The following KCNIP4 variants were observed in gnomAD, a reference collection of about 807,000 sequenced individuals.
The protein encoded by KCNIP4 is Kv channel-interacting protein 4.
Under a neutral mutation model 34.0 loss-of-function variants are expected in KCNIP4, and 12 were observed. The ratio of observed to expected loss-of-function variants is 0.35; its 90% CI spans 0.23 to 0.57. The LOEUF (loss-of-function observed/expected upper bound fraction) is 0.57, where lower values mean the gene tolerates loss of function less well. Ranked by LOEUF, KCNIP4 falls within the 20% of genes least tolerant of loss-of-function variation. The pLI, the probability that KCNIP4 is intolerant of heterozygous loss-of-function variation, is 0.83. For synonymous variants in KCNIP4, 124 were observed against 102.2 expected (o/e 1.21, Z -1.29); for missense variants, 238 against 311.7 (o/e 0.76, Z 1.78).
At chr4:21,910,304 C>G (rs1417409003) in intron 1 of KCNIP4, among the ~76,000 whole-genome samples, 1 of 152,086 alleles carries the variant, frequency 6.6e-6, no homozygotes, top group African/African-American at 2.4e-5. Flanking sequence ...AATTTATCAT[C>G]AAACTAAAAT....
At chr4:21,790,487 C>T (rs1720205263) in intron 1 of KCNIP4, among the ~76,000 whole-genome samples, 1 of 151,994 alleles carries the variant, frequency 6.6e-6, no homozygotes, top group Admixed American at 6.6e-5. Context: ...CTTTCCAAAA[C>T]CTCACATTAT....
chr4:21,019,019 A>G (rs1229458052), intron 1 of KCNIP4, among the ~76,000 whole-genome samples: 1 of 152,182 alleles, frequency 6.6e-6, no homozygotes, highest in African/African-American at 2.4e-5. Context: ...AGCAGCTAAA[A>G]ATCTGAGTTT....
chr4:20,812,131 C>G (rs1475230081), intron 3 of KCNIP4, among the ~76,000 whole-genome samples: 1 of 152,144 alleles, frequency 6.6e-6, no homozygotes, highest in Non-Finnish European at 1.5e-5. Flanking sequence ...AAAGACAGAG[C>G]TAAAATAGCA....
chr4:20,994,461 T>C (rs1161272515), intron 1 of KCNIP4, among the ~76,000 whole-genome samples: 2 of 152,216 alleles, frequency 1.3e-5, no homozygotes, highest in Non-Finnish European at 2.9e-5. Context: ...TTCCTATTTC[T>C]GAACTAATTG....
chr4:20,944,121 C>G (rs1731938468), intron 1 of KCNIP4, among the ~76,000 whole-genome samples: 1 of 152,088 alleles, frequency 6.6e-6, no homozygotes, highest in Non-Finnish European at 1.5e-5. Context: ...AAAATAAGAC[C>G]AGCCCCTAGC....
intron 1 of KCNIP4, among the ~76,000 whole-genome samples, chr4:21,251,133 A>G (rs1760668450): frequency 6.6e-6 from 1 of 152,106 alleles, no homozygotes; most frequent in Non-Finnish European, 1.5e-5. Context: ...CATATAATGG[A>G]GTGCCATGTA....
At chr4:21,604,212 C>T (rs893579543) in intron 1 of KCNIP4, among the ~76,000 whole-genome samples, 1 of 151,990 alleles carries the variant, frequency 6.6e-6, no homozygotes, top group Non-Finnish European at 1.5e-5. Context: ...TGTTGCAATG[C>T]AGATGTGGAG....
At chr4:21,233,860 T>TATA (rs201484050) in intron 1 of KCNIP4, among the ~76,000 whole-genome samples, 25,897 of 138,706 alleles carry the variant, frequency 0.19, 3,773 homozygotes, top group African/African-American at 0.41. Context: ...ATATAGTCAA[T>TATA]ATGACTTTGA....
intron 1 of KCNIP4, among the ~76,000 whole-genome samples, chr4:21,056,529 C>T (rs1743420964): frequency 6.6e-6 from 1 of 152,006 alleles, no homozygotes; most frequent in African/African-American, 2.4e-5. Flanking sequence ...GTCTCATTTC[C>T]CTTCATTATT....
intron 1 of KCNIP4, among the ~76,000 whole-genome samples, chr4:21,759,878 C>T (rs1156779568): frequency 6.6e-6 from 1 of 151,898 alleles, no homozygotes; most frequent in African/African-American, 2.4e-5. Context: ...AGTCAAAGTC[C>T]TCATTTTTCA....
intron 1 of KCNIP4, among the ~76,000 whole-genome samples, chr4:21,019,643 G>A (rs953755691): frequency 1.3e-5 from 2 of 151,876 alleles, no homozygotes; most frequent in African/African-American, 2.4e-5. Context: ...TGTAAAATAG[G>A]GGACAATATC....
intron 1 of KCNIP4, among the ~76,000 whole-genome samples, chr4:21,301,578 G>A (rs953388826): frequency 1.3e-4 from 20 of 152,132 alleles, no homozygotes; most frequent in African/African-American, 4.8e-4. Context: ...AATGGTGCAG[G>A]AGGAAAGGAA....
intron 1 of KCNIP4, among the ~76,000 whole-genome samples, chr4:20,915,941 G>A (rs1728768061): frequency 6.6e-6 from 1 of 152,100 alleles, no homozygotes; most frequent in African/African-American, 2.4e-5. Flanking sequence ...GCACATTGGA[G>A]TTGAAAGGTC....
chr4:21,030,657 G>A (rs1248937300), intron 1 of KCNIP4, among the ~76,000 whole-genome samples: 1 of 152,006 alleles, frequency 6.6e-6, no homozygotes, highest in African/African-American at 2.4e-5. Flanking sequence ...GAAGTGTTCA[G>A]GACTTACGCA....
chr4:21,363,992 G>A (rs1719474816), intron 1 of KCNIP4, among the ~76,000 whole-genome samples: 1 of 152,050 alleles, frequency 6.6e-6, no homozygotes, highest in Admixed American at 6.6e-5. Flanking sequence ...TTTGGTGGCT[G>A]GAAGGATGGA....
intron 1 of KCNIP4, among the ~76,000 whole-genome samples, chr4:21,901,577 T>C (rs185715034): frequency 6.6e-6 from 1 of 152,164 alleles, no homozygotes; most frequent in Non-Finnish European, 1.5e-5. Flanking sequence ...GCTGGAATTA[T>C]GGGTGATTTT....
chr4:21,417,069 G>T (rs1725012732), intron 1 of KCNIP4, among the ~76,000 whole-genome samples: 1 of 152,134 alleles, frequency 6.6e-6, no homozygotes, highest in African/African-American at 2.4e-5. Flanking sequence ...TCCACTCTTG[G>T]AAAATCGAAC....
chr4:21,875,261 A>G (rs1448416777), intron 1 of KCNIP4, among the ~76,000 whole-genome samples: 1 of 152,172 alleles, frequency 6.6e-6, no homozygotes, highest in African/African-American at 2.4e-5. Flanking sequence ...CATAATGGAC[A>G]CCATGACTAT....
intron 1 of KCNIP4, among the ~76,000 whole-genome samples, chr4:21,460,168 T>C (rs1372249115): frequency 6.7e-6 from 1 of 150,222 alleles, no homozygotes; most frequent in East Asian, 2.0e-4. Context: ...CTGTTCCAGC[T>C]CTTTGCACAG....
Sources: gnomAD v4.1 joint callset for allele counts (sites outside exome capture counted in the v4.1 genomes callset) on GRCh38, gnomAD v4.1.1 for gene constraint, MANE v1.5 for transcripts, NCBI Gene and HGNC (gene_info 2026-07-23, HGNC 2026-07-21) for gene names.